FLNB: variants seen among roughly 807,000 people sequenced by gnomAD.
FLNB encodes the protein filamin B.
In FLNB, 111 loss-of-function variants were observed where a neutral mutation model predicts 250.6. The observed-to-expected ratio is 0.44, with a 90% CI of 0.38 to 0.52. The LOEUF (loss-of-function observed/expected upper bound fraction) is 0.52. Among genes scored for constraint, FLNB ranks in the 20% least tolerant of loss-of-function variants. The pLI, the probability that FLNB is intolerant of heterozygous loss-of-function variation, is 0.00. For synonymous variants in FLNB, 1,302 were observed against 1,372.1 expected (o/e 0.95, Z 1.13); for missense variants, 2,869 against 3,447.8 (o/e 0.83, Z 4.20).
chr3:58,016,342 C>T (rs929063014), intron 1 of FLNB, among the ~76,000 whole-genome samples: 7 of 152,008 alleles, frequency 4.6e-5, no homozygotes, highest in Non-Finnish European at 1.0e-4. Flanking sequence ...GCGTGAGCCA[C>T]GGCATCCAGC....
At chr3:58,095,346 T>C (rs2097236647) in intron 5 of FLNB, among the ~76,000 whole-genome samples, 1 of 152,144 alleles carries the variant, frequency 6.6e-6, no homozygotes, top group Non-Finnish European at 1.5e-5. Context: ...GTTCAGGCGA[T>C]TCTCCTGCCT....
Position 58,135,998 on chromosome 3 carries a change from A to G in FLNB, c.4691A>G (p.Lys1564Arg). The G allele has an allele frequency of 1.2e-6, 2 of 1,614,186 alleles. No homozygotes were observed. Among genetic ancestry groups the G allele is most frequent in the Non-Finnish European group, 1.7e-6 (2 of 1,180,024 alleles). ...VQITDQEGKPKRAIVHDNKDG... is the reference protein window; with the variant it reads ...VQITDQEGKPRRAIVHDNKDG... ...CCACAGGACCAAGAAGGAAAACCCA[A>G]AAGAGCCATTGTCCATGACAATAAA... Residue 1564 changes from lysine (K) to arginine (R), a missense_variant, in exon 28 of 46, where the codon AAA (lysine) becomes AGA (arginine). Physicochemically the swap from Lys to Arg is conservative, Grantham distance 26 (BLOSUM62 2). This residue lies in a region of FLNB where 126 missense variants were observed against 182.0 expected (regional missense o/e 0.69). Transcript: ENST00000295956.
chr3:58,050,566 A>G (rs942059421), intron 1 of FLNB, among the ~76,000 whole-genome samples: 1 of 152,128 alleles, frequency 6.6e-6, no homozygotes, highest in African/African-American at 2.4e-5. Context: ...CCCTTAAGCA[A>G]TTACCCAAGG....
Position 58,123,467 on chromosome 3 carries a change from C to T in FLNB, c.3501C>T (p.Gly1167=). The part of the protein sequence containing the change: ...DCSEAGPGAL[G]LEAVSDSGTK... ...CGGAAGCGGGACCGGGGGCCCTGGG[C>T]CTGGAAGCTGTCTCGGACTCGGGAA... is the stretch of plus-strand genomic sequence containing the variant. Residue 1167 remains glycine, a synonymous_variant, in exon 21 of 46, where the codon GGC becomes GGT. Coordinates refer to ENST00000295956, the MANE Select transcript of FLNB (RefSeq NM_001457.4). 6.2e-7 allele frequency: 1 copy of T among 1,606,046 alleles called. No homozygotes were observed.
In FLNB at chr3:58,169,540, C is replaced by T; in HGVS notation, c.7418-50C>T. On this transcript the variant is annotated intron_variant, in intron 44 of 45. Coordinates refer to ENST00000295956, the MANE Select transcript of FLNB (RefSeq NM_001457.4). This position sits in a 1 kb window ranked among gnomAD's most constrained non-coding sequence, Gnocchi z 4.8. ...CTCGCCTGTCCTCTGGCTGAGAGAC[C>T]CCTCTTGATCTGGCCATTCATGCCT... 6.8e-7 allele frequency: 1 copy of T among 1,465,766 alleles called. No individual in the cohort carries two copies. Among genetic ancestry groups the T allele is most frequent in the Non-Finnish European group, 9.6e-7 (1 of 1,044,774 alleles). The allele number at this position is 1,465,766 out of a possible 1,614,324, so 90.8% of individuals were successfully genotyped here. A position where few individuals can be genotyped will look rare whatever the true frequency, so the allele number is the denominator to read the frequency against.
In FLNB at chr3:58,095,229, G is replaced by GTATTCATTTATTTATTTATTTATT. The variant is rs2097236273; in HGVS notation, c.906+279_906+280insCATTTATTTATTTATTTATTTATT. Among the ~76,000 whole-genome samples the GTATTCATTTATTTATTTATTTATT allele has an allele frequency of 7.4e-5, 11 of 147,814 alleles. No individual in the cohort carries two copies. The South Asian group carries it at 2.4e-3, about 33-fold the overall frequency. ...GCCTTGTCAGTTGAGGTTTATGTAT[G>GTATTCATTTATTTATTTATTTATT]TATTTATTTATTTATTTATTTATTT... On this transcript the variant is annotated intron_variant, in intron 5 of 45. Transcript: ENST00000295956.
At chr3:58,150,302 A>G in intron 38 of FLNB, 75 bp downstream of exon 38, 1 of 1,563,770 alleles carries the variant, frequency 6.4e-7, no homozygotes, top group Non-Finnish European at 8.8e-7. Flanking sequence ...TTGGGAACCA[A>G]GTTTAGGCAT....
chr3:58,154,747 C>T (rs1439212954), intron 39 of FLNB, 44 bp from the exon 40 acceptor site: 1 of 1,608,810 alleles, frequency 6.2e-7, no homozygotes, highest in Non-Finnish European at 8.5e-7. Context: ...GGGACAGGGG[C>T]TCTGTGGGGC....
At chr3:58,030,918 A>C (rs1208862443) in intron 1 of FLNB, among the ~76,000 whole-genome samples, 2 of 152,162 alleles carry the variant, frequency 1.3e-5, no homozygotes, top group Admixed American at 6.5e-5. Context: ...TGTACCCCAT[A>C]AATATATACA....
chr3:58,106,859 T>C lies in FLNB; in HGVS notation c.1927T>C (p.Tyr643His), dbSNP rs781610030. 1.2e-6 allele frequency: 2 copies of C among 1,613,736 alleles called. No homozygotes were observed. The highest frequency in any genetic ancestry group is 1.7e-5 in the Admixed American group (1 of 60,026). Reference protein sequence around the residue: ...MAFIHPATGGYNPDLVRAYGP... With the variant: ...MAFIHPATGGHNPDLVRAYGP... ...CTTCATCCACCCAGCCACGGGAGGC[T>C]ACAACCCTGATCTGGTGAATCAGCT... Residue 643 changes from tyrosine (Y) to histidine (H), a missense_variant, in exon 12 of 46, where the codon TAC becomes CAC. Coordinates refer to ENST00000295956, the MANE Select transcript of FLNB (RefSeq NM_001457.4).
At chr3:58,095,663 G>C (rs2097237235) in intron 5 of FLNB, among the ~76,000 whole-genome samples, 5 of 152,184 alleles carry the variant, frequency 3.3e-5, no homozygotes, top group Admixed American at 3.3e-4. Flanking sequence ...TGCACATGCT[G>C]TTCTTTCTGT....
At position 58,168,739 on chromosome 3, in the gene FLNB, A is replaced by G. The variant is rs550347718; in HGVS notation, c.7417+81A>G. 3.1e-4 allele frequency: 303 copies of G among 982,668 alleles called. 2 individuals are homozygous for G. In the South Asian group the frequency reaches 3.9e-3, roughly 13 times the overall value. 60.9% of individuals were successfully genotyped at this position (982,668 alleles called of 1,614,324 possible). On this transcript the variant is annotated intron_variant, in intron 44 of 45. Transcript: ENST00000295956. ...AGATCAATCATAGTGGAAACTATGGATGGTTTTAGATGTGTTAAAGCTACT... is the reference window on the plus strand; with the variant it reads ...AGATCAATCATAGTGGAAACTATGGGTGGTTTTAGATGTGTTAAAGCTACT...
intron 1 of FLNB, among the ~76,000 whole-genome samples, chr3:58,050,801 G>C (rs78678272): frequency 6.6e-6 from 1 of 152,228 alleles, no homozygotes; most frequent in East Asian, 1.9e-4. Context: ...CCCTTCCACA[G>C]CTTCCTCTGG....
At chr3:58,111,986 C>T in intron 17 of FLNB, 105 bp downstream of exon 17, 1 of 1,198,926 alleles carries the variant, frequency 8.3e-7, no homozygotes, top group South Asian at 1.2e-5. Flanking sequence ...AACACCAACA[C>T]CAAGCTGGCA....
chr3:58,087,593 C>G (rs534558229), intron 4 of FLNB, among the ~76,000 whole-genome samples: 129 of 151,782 alleles, frequency 8.5e-4, no homozygotes, highest in African/African-American at 2.8e-3. Flanking sequence ...GCTGGGATTA[C>G]AGGCGCCCAC....
intron 1 of FLNB, among the ~76,000 whole-genome samples, chr3:58,045,826 C>A (rs375927411): frequency 6.6e-6 from 1 of 151,780 alleles, no homozygotes; most frequent in African/African-American, 2.4e-5. Flanking sequence ...ATGGTGAAAC[C>A]CTGTTTCTAC....
chr3:58,060,679 G>A (rs1207222210), intron 1 of FLNB, among the ~76,000 whole-genome samples: 4 of 149,280 alleles, frequency 2.7e-5, no homozygotes, highest in Non-Finnish European at 4.5e-5. Flanking sequence ...TGGGCGTGGT[G>A]GCACACACCC....
chr3:58,102,721 C>T (rs566496292), intron 9 of FLNB, among the ~76,000 whole-genome samples: 4 of 152,350 alleles, frequency 2.6e-5, no homozygotes, highest in African/African-American at 9.6e-5. Flanking sequence ...GGAATTCAAG[C>T]ACAGTCTCCA....
chr3:58,103,804 T>G (rs1419227505), intron 9 of FLNB, among the ~76,000 whole-genome samples, 155 bp from the exon 10 acceptor site: 2 of 152,212 alleles, frequency 1.3e-5, no homozygotes, highest in Non-Finnish European at 2.9e-5. Context: ...CTCCCAGGCT[T>G]TGAGGGGAGA....
Sources: allele counts gnomAD v4.1 joint callset (sites outside exome capture counted in the v4.1 genomes callset), GRCh38; gene constraint gnomAD v4.1.1; regional missense constraint gnomAD v4.1.1; non-coding constraint Gnocchi (gnomAD v3.1); transcripts MANE v1.5; gene names NCBI Gene and HGNC (gene_info 2026-07-23, HGNC 2026-07-21).